R3HDM2: variants seen among roughly 807,000 people sequenced by gnomAD.
R3HDM2 encodes the protein R3H domain-containing protein 2.
In R3HDM2, 38 loss-of-function variants were observed where a neutral mutation model predicts 124.5. That is an observed-to-expected ratio of 0.31 (90% CI 0.24 to 0.40). The LOEUF is 0.40. R3HDM2 is among the 10% of genes least tolerant of loss of function. The probability of loss-of-function intolerance (pLI) is 1.00; values close to 1 mark genes in which losing one functional copy is unlikely to be tolerated. For missense variants in R3HDM2, 869 were observed against 1,236.9 expected (o/e 0.70, Z 4.46); for synonymous variants, 391 against 448.0 (o/e 0.87, Z 1.61).
intron 1 of R3HDM2, among the ~76,000 whole-genome samples, chr12:57,397,547 G>C (rs2067670311): frequency 6.6e-6 from 1 of 152,024 alleles, no homozygotes; most frequent in Non-Finnish European, 1.5e-5. Flanking sequence ...TCACGGTTTT[G>C]ACATTAGGAA....
At chr12:57,418,587 G>A (rs548105444) in intron 1 of R3HDM2, among the ~76,000 whole-genome samples, 5 of 150,422 alleles carry the variant, frequency 3.3e-5, no homozygotes, top group Non-Finnish European at 7.4e-5. Context: ...TTTGTAAATG[G>A]AGTCTCTGTC....
Position 57,254,253 on chromosome 12 carries a change from C to G in R3HDM2, c.*520G>C, listed in dbSNP as rs1421328383. The G allele has an allele frequency of 1.5e-5, 7 of 454,084 alleles. No individual in the cohort carries two copies. The East Asian group carries it at 4.9e-4, about 32-fold the overall frequency. 28.1% of individuals were successfully genotyped at this position (454,084 alleles called of 1,614,324 possible). ...CAGTGGCTCACGCCTGTAATCCCAG[C>G]ACTCTGGAAGGCCAAGGCAGGTGGA... is the stretch of plus-strand genomic sequence containing the variant. On this transcript the variant is annotated 3_prime_UTR_variant, in exon 24 of 24. Coordinates refer to ENST00000402412, the MANE Select transcript of R3HDM2 (RefSeq NM_001394031.1).
chr12:57,265,652 G>T (rs1043530549), intron 19 of R3HDM2, among the ~76,000 whole-genome samples: 1 of 152,102 alleles, frequency 6.6e-6, no homozygotes, highest in African/African-American at 2.4e-5. Flanking sequence ...TAGAGACAGG[G>T]TCCCACTCCC....
intron 2 of R3HDM2, among the ~76,000 whole-genome samples, chr12:57,362,638 A>G (rs902674076): frequency 6.6e-6 from 1 of 152,184 alleles, no homozygotes; most frequent in Non-Finnish European, 1.5e-5. Flanking sequence ...TTGACCTTGT[A>G]CTACTATTTC....
At chr12:57,358,318 T>C (rs943855961) in intron 2 of R3HDM2, among the ~76,000 whole-genome samples, 26 of 152,148 alleles carry the variant, frequency 1.7e-4, no homozygotes, top group Middle Eastern at 3.4e-3. Flanking sequence ...AAAGTATGTT[T>C]TGTCATAAAG....
chr12:57,323,210 G>GACAAAA (rs961207309), intron 2 of R3HDM2, among the ~76,000 whole-genome samples: 4 of 152,042 alleles, frequency 2.6e-5, no homozygotes, highest in African/African-American at 9.7e-5. Flanking sequence ...CAAAACAAAG[G>GACAAAA]ACAAAAACAA....
At chr12:57,257,704 C>T (rs1240281120) in intron 21 of R3HDM2, among the ~76,000 whole-genome samples, 1 of 152,164 alleles carries the variant, frequency 6.6e-6, no homozygotes, top group African/African-American at 2.4e-5. Flanking sequence ...AGGTTAAACT[C>T]TTTGGTCATT....
At chr12:57,354,291 GT>G (rs1267952510) in intron 2 of R3HDM2, among the ~76,000 whole-genome samples, 1 of 151,122 alleles carries the variant, frequency 6.6e-6, no homozygotes, top group African/African-American at 2.4e-5. Context: ...TGTTTGATGG[GT>G]TTTTTTTCTT....
In R3HDM2 at chr12:57,289,064, A is replaced by G. The variant is rs1159587112; in HGVS notation, c.907-24T>C. 8.5e-6 allele frequency: 13 copies of G among 1,535,066 alleles called. No homozygotes were observed. The East Asian group carries it at 2.9e-4, about 35-fold the overall frequency. ...GTCTAGGTGAGGGGGAGAAAACGGA[A>G]AATAACTTATAAGAAAACAGCATGG... On this transcript the variant is annotated intron_variant, in intron 11 of 23. Transcript: ENST00000402412.
rs774306119 is a variant in R3HDM2 at position 57,300,161 on chromosome 12, C to T, written c.228G>A (p.Leu76=). ...CCTCACACACTGCCAGGCTACGCACCAACTTTAGCTTGGAATTAGACTGAA... is the reference window on the plus strand; with the variant it reads ...CCTCACACACTGCCAGGCTACGCACTAACTTTAGCTTGGAATTAGACTGAA... The part of the protein sequence containing the change: ...KRAKSNSKLK[L]VRSLAVCEES... The change falls in exon 5 of 24, where the codon TTG becomes TTA. Residue 76 remains leucine, a synonymous_variant. Coordinates refer to ENST00000402412, the MANE Select transcript of R3HDM2 (RefSeq NM_001394031.1). 2.1e-5 allele frequency: 32 copies of T among 1,551,340 alleles called. No individual in the cohort carries two copies. The Middle Eastern group carries it at 5.0e-4, about 24-fold the overall frequency.
At chr12:57,404,567 G>A (rs555207221) in intron 1 of R3HDM2, among the ~76,000 whole-genome samples, 29 of 152,184 alleles carry the variant, frequency 1.9e-4, no homozygotes, top group African/African-American at 6.7e-4. Context: ...AATGGGCATG[G>A]TGGCGTGCGC....
chr12:57,298,183 A>G lies in R3HDM2; in HGVS notation c.422-15T>C. ...CTGGCTGGAGTCTAGAACCACCACAACAAAAGAAATTAAAATACATGAAAC... is the reference window on the plus strand; with the variant it reads ...CTGGCTGGAGTCTAGAACCACCACAGCAAAAGAAATTAAAATACATGAAAC... On this transcript the variant is annotated splice_polypyrimidine_tract_variant and intron_variant, in intron 6 of 23. Transcript: ENST00000402412. 1 of 1,526,478 alleles carries G rather than the reference A, an allele frequency of 6.6e-7. No individual in the cohort carries two copies. The highest frequency in any genetic ancestry group is 8.8e-7 in the Non-Finnish European group (1 of 1,130,548). The allele number at this position is 1,526,478 out of a possible 1,614,324, so 94.6% of individuals were successfully genotyped here.
intron 8 of R3HDM2, chr12:57,297,111 A>G: frequency 2.2e-6 from 1 of 451,510 alleles, no homozygotes; most frequent in Non-Finnish European, 4.0e-6. Flanking sequence ...TTTGACAAAG[A>G]AAAAGGAAGA....
intron 2 of R3HDM2, among the ~76,000 whole-genome samples, chr12:57,392,319 C>T (rs933815737): frequency 6.6e-6 from 1 of 152,154 alleles, no homozygotes; most frequent in South Asian, 2.1e-4. Context: ...GACAGTAAGG[C>T]GATGGTTTCA....
intron 1 of R3HDM2, among the ~76,000 whole-genome samples, chr12:57,412,936 G>C (rs1033153077): frequency 2.6e-4 from 40 of 152,236 alleles, no homozygotes; most frequent in Non-Finnish European, 4.9e-4. Flanking sequence ...CGGATCACGA[G>C]GTCAGGAGAT....
chr12:57,272,345 C>A (rs2043761953), intron 14 of R3HDM2: 2 of 920,926 alleles, frequency 2.2e-6, no homozygotes, highest in Non-Finnish European at 3.5e-6. Flanking sequence ...TTTCAATATG[C>A]CCTCCAAAAG....
intron 1 of R3HDM2, among the ~76,000 whole-genome samples, chr12:57,398,486 TTC>T (rs956736461): frequency 6.6e-6 from 1 of 151,870 alleles, no homozygotes; most frequent in African/African-American, 2.4e-5. Flanking sequence ...CTCTCTTCCT[TTC>T]TCTCTCTTTT....
In R3HDM2 at chr12:57,303,158, T is replaced by C; in HGVS notation, c.207+18A>G. ...TTACTAATAACATTAGAAAAGAAGC[T>C]AGAGGAAGGGCTCTCACCTTGGCTC... On this transcript the variant is annotated intron_variant, in intron 4 of 23. Coordinates refer to ENST00000402412, the MANE Select transcript of R3HDM2 (RefSeq NM_001394031.1). 1 of 1,491,990 alleles carries C rather than the reference T, an allele frequency of 6.7e-7. No individual in the cohort carries two copies. The highest frequency in any genetic ancestry group is 9.2e-7 in the Non-Finnish European group (1 of 1,092,850). The allele number at this position is 1,491,990 out of a possible 1,614,324, so 92.4% of individuals were successfully genotyped here. A position where few individuals can be genotyped will look rare whatever the true frequency, so the allele number is the denominator to read the frequency against.
At chr12:57,301,189 A>G (rs770706889) in intron 4 of R3HDM2, among the ~76,000 whole-genome samples, 5 of 152,170 alleles carry the variant, frequency 3.3e-5, no homozygotes, top group South Asian at 2.1e-4. Flanking sequence ...TAATGCAATA[A>G]AACCTAATCT....
Sources: gnomAD v4.1 joint callset for allele counts (sites outside exome capture counted in the v4.1 genomes callset) on GRCh38, gnomAD v4.1.1 for gene constraint, MANE v1.5 for transcripts, NCBI Gene and HGNC (gene_info 2026-07-23, HGNC 2026-07-21) for gene names.